The following N4BP1 variants were observed in gnomAD, a reference collection of about 807,000 sequenced individuals.
The protein encoded by N4BP1 is NEDD4 binding protein 1.
A neutral mutation model predicts 70.9 loss-of-function variants in N4BP1; 21 were observed. The ratio of observed to expected loss-of-function variants is 0.30; its 90% CI spans 0.21 to 0.43. N4BP1 has a LOEUF of 0.43. Ranked by LOEUF, N4BP1 falls within the 20% of genes least tolerant of loss-of-function variation. The pLI is 1.00. For synonymous variants in N4BP1, 387 were observed against 394.6 expected (o/e 0.98, Z 0.23); for missense variants, 936 against 1,069.4 (o/e 0.88, Z 1.74).
chr16:48,583,031 A>T (rs1244992271), intron 1 of N4BP1, among the ~76,000 whole-genome samples: 4 of 152,224 alleles, frequency 2.6e-5, no homozygotes, highest in Non-Finnish European at 2.9e-5. Context: ...GGCTGCAGTT[A>T]ACTATGACCA....
intron 1 of N4BP1, among the ~76,000 whole-genome samples, chr16:48,573,656 T>G (rs1597101959): frequency 6.6e-6 from 1 of 152,014 alleles, no homozygotes; most frequent in East Asian, 1.9e-4. Context: ...ACAATACAGA[T>G]AAGGGGTACC....
At chr16:48,563,499 C>T (rs1963892780) in intron 1 of N4BP1, among the ~76,000 whole-genome samples, 1 of 151,768 alleles carries the variant, frequency 6.6e-6, no homozygotes, top group Admixed American at 6.6e-5. Flanking sequence ...GACTCTTCTG[C>T]CTCAGCCTCC....
intron 1 of N4BP1, among the ~76,000 whole-genome samples, chr16:48,592,541 G>A (rs189353999): frequency 1.3e-5 from 2 of 152,280 alleles, no homozygotes; most frequent in Admixed American, 1.3e-4. Flanking sequence ...CTGTGTATGT[G>A]TTGTGTGTGA....
At chr16:48,591,818 G>A (rs1271446362) in intron 1 of N4BP1, among the ~76,000 whole-genome samples, 1 of 150,132 alleles carries the variant, frequency 6.7e-6, no homozygotes, top group Non-Finnish European at 1.5e-5. Flanking sequence ...GGAACCCCAG[G>A]AGTTGAAAGT....
At chr16:48,545,175 G>C (rs1196564555) in intron 6 of N4BP1, among the ~76,000 whole-genome samples, 3 of 151,946 alleles carry the variant, frequency 2.0e-5, no homozygotes, top group African/African-American at 7.2e-5. Flanking sequence ...ATGTTGGCCA[G>C]GATGGTCTCG....
intron 1 of N4BP1, among the ~76,000 whole-genome samples, chr16:48,599,132 C>T (rs1016962933): frequency 4.6e-5 from 7 of 152,214 alleles, no homozygotes; most frequent in Non-Finnish European, 7.4e-5. Context: ...ATATCTGAGT[C>T]GTATACTGGT....
At chr16:48,553,797 C>T (rs750485130) in intron 2 of N4BP1, 128 bp from the exon 3 acceptor site, 3 of 835,702 alleles carry the variant, frequency 3.6e-6, no homozygotes, top group East Asian at 3.0e-5. Context: ...AATATTCTTA[C>T]ATTTTTGGCA....
Position 48,587,968 on chromosome 16 carries a change from A to AT in N4BP1, c.198+21806dup, listed in dbSNP as rs572954274. ...GAAATATGTAGAGATAGTTTTCTTG[A>AT]TTTTTTTTTTTTGAGGTTGGTTTCC... is the stretch of plus-strand genomic sequence containing the variant. On this transcript the variant is annotated intron_variant, in intron 1 of 6. Coordinates refer to ENST00000262384, the MANE Select transcript of N4BP1 (RefSeq NM_153029.4). Among the ~76,000 whole-genome samples the AT allele has an allele frequency of 5.7e-3, 843 of 147,102 alleles. 4 individuals are homozygous for AT. Among genetic ancestry groups the AT allele is most frequent in the Middle Eastern group, 0.021 (6 of 282 alleles).
At chr16:48,599,531 C>T (rs959296144) in intron 1 of N4BP1, among the ~76,000 whole-genome samples, 1 of 152,204 alleles carries the variant, frequency 6.6e-6, no homozygotes, top group Non-Finnish European at 1.5e-5. Context: ...TTTTCAGCAC[C>T]TGTACTCATT....
intron 6 of N4BP1, 31 bp from the exon 7 acceptor site, chr16:48,543,292 G>T: frequency 6.9e-7 from 1 of 1,453,420 alleles, no homozygotes; most frequent in South Asian, 1.5e-5. Context: ...TGGTGAGTTG[G>T]GTTATAAGTA....
intron 1 of N4BP1, among the ~76,000 whole-genome samples, chr16:48,608,660 G>T (rs1056724958): frequency 2.0e-5 from 3 of 151,896 alleles, no homozygotes; most frequent in African/African-American, 4.8e-5. Flanking sequence ...TTTGGAAAGG[G>T]GGGGAAGTAG....
intron 1 of N4BP1, among the ~76,000 whole-genome samples, chr16:48,572,124 AG>A (rs1964027969): frequency 1.3e-5 from 2 of 152,174 alleles, no homozygotes; most frequent in Admixed American, 6.5e-5. Flanking sequence ...ACTTGAGCCC[AG>A]GAAGTCGAGG....
At chr16:48,554,056 TG>T (rs769010747) in intron 2 of N4BP1, among the ~76,000 whole-genome samples, 4 of 152,070 alleles carry the variant, frequency 2.6e-5, no homozygotes, top group Admixed American at 6.6e-5. Context: ...TTTTAGGGAA[TG>T]GCTATATTTA....
At chr16:48,551,818 A>G (rs964793662) in intron 3 of N4BP1, among the ~76,000 whole-genome samples, 4 of 152,216 alleles carry the variant, frequency 2.6e-5, no homozygotes, top group African/African-American at 9.6e-5. Context: ...CAGGAGTTCA[A>G]GACCAGACTG....
At chr16:48,596,787 T>C (rs1247252312) in intron 1 of N4BP1, among the ~76,000 whole-genome samples, 7 of 152,176 alleles carry the variant, frequency 4.6e-5, no homozygotes, top group Non-Finnish European at 8.8e-5. Flanking sequence ...CAGTCTGCCT[T>C]TACAGGACTA....
At chr16:48,577,524 C>G (rs1002983802) in intron 1 of N4BP1, 1 of 176,252 alleles carries the variant, frequency 5.7e-6, no homozygotes, top group Non-Finnish European at 1.2e-5. Context: ...TATAAAACCC[C>G]TATGTTGCAG....
At chr16:48,595,346 C>A (rs762629206) in intron 1 of N4BP1, among the ~76,000 whole-genome samples, 14 of 149,920 alleles carry the variant, frequency 9.3e-5, no homozygotes, top group Non-Finnish European at 1.8e-4. Flanking sequence ...ACCTGTAATT[C>A]CAGCTACTAG....
intron 1 of N4BP1, among the ~76,000 whole-genome samples, chr16:48,583,989 T>C (rs947498531): frequency 4.6e-5 from 7 of 152,222 alleles, no homozygotes; most frequent in Admixed American, 2.6e-4. Flanking sequence ...CTCTGTTGTC[T>C]CCTTTTCTTC....
At chr16:48,595,541 T>A (rs981106157) in intron 1 of N4BP1, among the ~76,000 whole-genome samples, 10 of 152,102 alleles carry the variant, frequency 6.6e-5, no homozygotes, top group African/African-American at 9.7e-5. Context: ...TACATTCTTG[T>A]AAACAAAATT....
Sources: gnomAD v4.1 joint callset for allele counts (sites outside exome capture counted in the v4.1 genomes callset) on GRCh38, gnomAD v4.1.1 for gene constraint, MANE v1.5 for transcripts, NCBI Gene and HGNC (gene_info 2026-07-23, HGNC 2026-07-21) for gene names.